Variants in SEC13 observed in about 807,000 individuals in gnomAD.
SEC13 encodes SEC13 homolog, nuclear pore and COPII component.
In SEC13, 25 loss-of-function variants were observed where a neutral mutation model predicts 49.2. That is an observed-to-expected ratio of 0.51 (90% CI 0.37 to 0.71). SEC13 has a LOEUF of 0.71. SEC13 is among the 30% of genes least tolerant of loss of function. The probability of loss-of-function intolerance (pLI) is 0.00; values close to 1 mark genes in which losing one functional copy is unlikely to be tolerated. For missense variants in SEC13, 383 were observed against 417.6 expected (o/e 0.92, Z 0.72); for synonymous variants, 148 against 163.9 (o/e 0.90, Z 0.74).
chr3:10,320,432 G>T, intron 1 of SEC13: 2 of 729,054 alleles, frequency 2.7e-6, no homozygotes, highest in Non-Finnish European at 3.4e-6. Flanking sequence ...ATGCCACAGA[G>T]ACTTAAAAAA....
chr3:10,304,997 C>T (rs372584566), intron 7 of SEC13, 36 bp downstream of exon 7: 51 of 1,613,454 alleles, frequency 3.2e-5, no homozygotes, highest in Non-Finnish European at 3.8e-5. Flanking sequence ...TGACTCGAGA[C>T]TAAATGACAA....
In SEC13 at chr3:10,304,091, C is replaced by T. The variant is rs936984291; in HGVS notation, c.790G>A (p.Val264Met). 2.5e-6 allele frequency: 4 copies of T among 1,614,184 alleles called. No individual in the cohort carries two copies. The highest frequency in any genetic ancestry group is 3.4e-6 in the Non-Finnish European group (4 of 1,180,036). ...SPKLLHKFND[V>M]VWHVSWSITA... ...ATGGACCAGCTCACATGCCACACCA[C>T]ATCGTTGAACTTGTGCAACAATTTA... The change falls in exon 8 of 9, where the codon GTG (valine) becomes ATG (methionine). Residue 264 changes from valine (V) to methionine (M), a missense_variant. Physicochemically the swap from Val to Met is conservative, Grantham distance 21. Coordinates refer to ENST00000350697, the MANE Select transcript of SEC13 (RefSeq NM_183352.3).
At chr3:10,316,636 A>C (rs1431516322) in intron 2 of SEC13, among the ~76,000 whole-genome samples, 1 of 152,170 alleles carries the variant, frequency 6.6e-6, no homozygotes, top group Non-Finnish European at 1.5e-5. Flanking sequence ...TTATTTACCA[A>C]CATCCTATGG....
Position 10,317,001 on chromosome 3 carries a change from C to CAAAAAA in SEC13, c.48+1043_48+1048dup, listed in dbSNP as rs35597823. Reference sequence around the variant, plus strand: ...GGGCTACAAGAGCGAAACTCCATCTCAAAAAAAAAAAAAAAAAAAAAGAAA... The same window carrying CAAAAAA: ...GGGCTACAAGAGCGAAACTCCATCTCAAAAAAAAAAAAAAAAAAAAAAAAAAAGAAA... On this transcript the variant is annotated intron_variant, in intron 2 of 8. Coordinates refer to ENST00000350697, the MANE Select transcript of SEC13 (RefSeq NM_183352.3). 5.9e-4 allele frequency among the ~76,000 whole-genome samples: 44 copies of CAAAAAA among 74,768 alleles called. 1 individual carries two copies. Among genetic ancestry groups the CAAAAAA allele is most frequent in the Non-Finnish European group, 9.7e-4 (31 of 32,048 alleles). The allele number at this position is 74,768 out of a possible 152,430, so 49.1% of individuals were successfully genotyped here. A position where few individuals can be genotyped will look rare whatever the true frequency, so the allele number is the denominator to read the frequency against.
chr3:10,301,166 T>TG lies in SEC13; in HGVS notation c.*94dup, dbSNP rs1700477724. On this transcript the variant is annotated 3_prime_UTR_variant, in exon 9 of 9. Transcript: ENST00000350697. ...ACTCCTCCTGGGAAAATAATCCTGT[T>TG]GGAGTTGGGGGCTCTTCCCAGTTGT... The TG allele has an allele frequency of 6.2e-7, 1 of 1,613,958 alleles. No individual in the cohort carries two copies. Among genetic ancestry groups the TG allele is most frequent in the African/African-American group, 1.3e-5 (1 of 75,036 alleles).
rs1310716811 is a variant in SEC13, at chr3:10,312,030, T to C, written c.385A>G (p.Ile129Val). ...TCCCCGGTGTAAGTCAGCAGGGAGA[T>C]GGCCCCATCCGAGCTCCCACAGGCC... ...ILACGSSDGA[I>V]SLLTYTGEGQ... is the part of the protein sequence containing the mutation. The change falls in exon 5 of 9, where the codon ATC becomes GTC. Residue 129 changes from isoleucine (I) to valine (V), a missense_variant. Coordinates refer to ENST00000350697, the MANE Select transcript of SEC13 (RefSeq NM_183352.3). The C allele has an allele frequency of 2.5e-6, 4 of 1,613,876 alleles. No homozygotes were observed. The East Asian group carries it at 8.9e-5, about 36-fold the overall frequency.
At chr3:10,306,126 C>G (rs58221977) in intron 5 of SEC13, among the ~76,000 whole-genome samples, 2 of 152,228 alleles carry the variant, frequency 1.3e-5, no homozygotes, top group South Asian at 4.2e-4. Flanking sequence ...ACCCATTTTC[C>G]CCCCATTTTA....
chr3:10,317,966 G>T, intron 2 of SEC13, 84 bp downstream of exon 2: 1 of 865,826 alleles, frequency 1.2e-6, no homozygotes, highest in East Asian at 2.5e-5. Flanking sequence ...CAACAGAAAG[G>T]GGTAATGAAA....
chr3:10,310,207 A>G (rs1289622559), intron 5 of SEC13, among the ~76,000 whole-genome samples: 4 of 152,158 alleles, frequency 2.6e-5, no homozygotes, highest in Non-Finnish European at 5.9e-5. Flanking sequence ...AATCACAATA[A>G]GGGCCGGGTG....
intron 8 of SEC13, among the ~76,000 whole-genome samples, chr3:10,302,351 T>A (rs1700587515): frequency 6.6e-6 from 1 of 152,212 alleles, no homozygotes; most frequent in African/African-American, 2.4e-5. Flanking sequence ...GACAAACTAT[T>A]CACTCAACAC....
chr3:10,310,134 C>T (rs1234338675), intron 5 of SEC13, among the ~76,000 whole-genome samples: 1 of 152,166 alleles, frequency 6.6e-6, no homozygotes, highest in Admixed American at 6.5e-5. Flanking sequence ...CCCTCCTGGT[C>T]ATTTCTCCAA....
intron 8 of SEC13, among the ~76,000 whole-genome samples, chr3:10,302,110 C>T (rs1700566884): frequency 6.6e-6 from 1 of 152,104 alleles, no homozygotes; most frequent in African/African-American, 2.4e-5. Context: ...CTAGCAGCCA[C>T]CTGTAATCTC....
chr3:10,304,233 T>C (rs1010275089), intron 7 of SEC13, 61 bp from the exon 8 acceptor site: 64 of 1,579,404 alleles, frequency 4.1e-5, no homozygotes, highest in African/African-American at 8.1e-5. Flanking sequence ...TGTGATGTGA[T>C]GTCCTCCCAG....
intron 8 of SEC13, among the ~76,000 whole-genome samples, chr3:10,302,119 T>G (rs1449670413): frequency 6.6e-6 from 1 of 151,948 alleles, no homozygotes; most frequent in African/African-American, 2.4e-5. Flanking sequence ...ACCTGTAATC[T>G]CCCAGCTACT....
rs879111050 is a variant in SEC13, at chr3:10,300,950, A to G, written c.*311T>C. Reference sequence around the variant, plus strand: ...CAGGAATTATAAGCAATATGACTTTATTTAGTTCCTTTGGAAACAAAACCC... The same window carrying G: ...CAGGAATTATAAGCAATATGACTTTGTTTAGTTCCTTTGGAAACAAAACCC... On this transcript the variant is annotated 3_prime_UTR_variant, in exon 9 of 9. Coordinates refer to ENST00000350697, the MANE Select transcript of SEC13 (RefSeq NM_183352.3). 2 of 877,348 alleles carry G rather than the reference A, an allele frequency of 2.3e-6. No individual in the cohort carries two copies. The highest frequency in any genetic ancestry group is 1.7e-5 in the African/African-American group (1 of 59,402). 54.3% of individuals were successfully genotyped at this position (877,348 alleles called of 1,614,324 possible).
At chr3:10,313,818 T>C (rs1701436670) in intron 3 of SEC13, 1 of 160,618 alleles carries the variant, frequency 6.2e-6, no homozygotes, top group African/African-American at 2.4e-5. Context: ...CACGCTGCAC[T>C]GCAGCAGCTC....
intron 5 of SEC13, among the ~76,000 whole-genome samples, chr3:10,309,554 CT>C (rs775361690): frequency 7.9e-5 from 12 of 152,184 alleles, no homozygotes; most frequent in South Asian, 4.1e-4. Context: ...TAATTCTTTC[CT>C]GAGTTCTGTC....
chr3:10,306,804 C>T (rs556762039), intron 5 of SEC13, among the ~76,000 whole-genome samples: 2 of 152,316 alleles, frequency 1.3e-5, no homozygotes, highest in East Asian at 1.9e-4. Context: ...CTGCCATCCA[C>T]GTAAGCTGTG....
chr3:10,304,126 G>T lies in SEC13; in HGVS notation c.755C>A (p.Thr252Lys). Residue 252 changes from threonine (T) to lysine (K), a missense_variant, in exon 8 of 9, where the codon ACG becomes AAG. Transcript: ENST00000350697. ...IWTCDDASSN[T>K]WSPKLLHKFN... is the part of the protein sequence containing the mutation. ...CTTGTGCAACAATTTAGGGGACCAC[G>T]TATTGCTTGAGGCATCATCACAGGT... 6.2e-7 allele frequency: 1 copy of T among 1,614,128 alleles called. No homozygotes were observed. Among genetic ancestry groups the T allele is most frequent in the Non-Finnish European group, 8.5e-7 (1 of 1,179,992 alleles).
Sources: gnomAD v4.1 joint callset for allele counts (sites outside exome capture counted in the v4.1 genomes callset) on GRCh38, gnomAD v4.1.1 for gene constraint, MANE v1.5 for transcripts, NCBI Gene and HGNC (gene_info 2026-07-23, HGNC 2026-07-21) for gene names.